ARL5C: variants seen among roughly 807,000 people sequenced by gnomAD.
ARL5C encodes putative ADP-ribosylation factor-like protein 5C.
ARL5C carries 21 observed loss-of-function variants against 20.8 expected under a neutral mutation model. The observed-to-expected ratio is 1.01, with a 90% CI of 0.72 to 1.46. ARL5C has a LOEUF of 1.46. Ranked by LOEUF, ARL5C falls within the 40% of genes most tolerant of loss-of-function variation. The probability of loss-of-function intolerance (pLI) is 0.00; values close to 1 mark genes in which losing one functional copy is unlikely to be tolerated. For missense variants in ARL5C, 199 were observed against 225.1 expected (o/e 0.88, Z 0.74); for synonymous variants, 71 against 81.6 (o/e 0.87, Z 0.70).
chr17:39,163,503 C>T (rs1255899245), intron 2 of ARL5C, among the ~76,000 whole-genome samples: 1 of 151,766 alleles, frequency 6.6e-6, no homozygotes, highest in African/African-American at 2.4e-5. Flanking sequence ...AGCAATTCTC[C>T]CGCCTCGGCC....
intron 4 of ARL5C, 123 bp downstream of exon 4, chr17:39,161,145 G>A: frequency 1.1e-6 from 1 of 907,234 alleles, no homozygotes; most frequent in Non-Finnish European, 1.7e-6. Context: ...CCCTCCTCAT[G>A]CTGCTGGTAT....
downstream of ARL5C, chr17:39,156,848 G>T: frequency 6.5e-7 from 1 of 1,549,012 alleles, no homozygotes; most frequent in South Asian, 1.2e-5. Flanking sequence ...CACCCATGTT[G>T]ACCATGCAAA....
chr17:39,161,216 G>C (rs970640541), intron 4 of ARL5C, 52 bp downstream of exon 4: 31 of 1,497,116 alleles, frequency 2.1e-5, no homozygotes, highest in Non-Finnish European at 2.4e-5. Context: ...TGACCAGCCT[G>C]AGGGCACACA....
chr17:39,159,517 G>A (rs1483681362), intron 5 of ARL5C, among the ~76,000 whole-genome samples: 2 of 151,918 alleles, frequency 1.3e-5, no homozygotes, highest in Non-Finnish European at 2.9e-5. Context: ...GGCTGGTCTC[G>A]AACTCCCGAC....
Position 39,162,773 on chromosome 17 carries a change from A to G in ARL5C, c.193T>C (p.Trp65Arg). 2 of 1,551,714 alleles carry G rather than the reference A, an allele frequency of 1.3e-6. No individual in the cohort carries two copies. Among genetic ancestry groups the G allele is most frequent in the Non-Finnish European group, 1.7e-6 (2 of 1,146,992 alleles). The change falls in exon 3 of 6, where the codon TGG (tryptophan) becomes CGG (arginine). Residue 65 changes from tryptophan (W) to arginine (R), a missense_variant. By Grantham distance (101) the Trp-to-Arg change is moderately radical. Transcript: ENST00000269586. The part of the protein sequence containing the change: ...IILPKTHFFM[W>R]DIVRPEALSF... Reference sequence around the variant, plus strand: ...AGAGCCTCAGGTCTCACTATGTCCCACATGAAGAAGTGGGTCTTCGGCAGA... The same window carrying G: ...AGAGCCTCAGGTCTCACTATGTCCCGCATGAAGAAGTGGGTCTTCGGCAGA...
At chr17:39,165,389 T>C in intron 1 of ARL5C, 1 of 590,484 alleles carries the variant, frequency 1.7e-6, no homozygotes, top group Non-Finnish European at 3.0e-6. Flanking sequence ...GCTTCGGGGC[T>C]TGCCAAGAGA....
chr17:39,160,538 G>A, intron 5 of ARL5C, 53 bp downstream of exon 5: 2 of 1,539,166 alleles, frequency 1.3e-6, no homozygotes, highest in South Asian at 1.2e-5. Context: ...CTGATGGTCA[G>A]TCATCCATTG....
rs1350091365 is a variant in ARL5C, at chr17:39,165,140, C to T, written c.47-1G>A. ...AGTCCCACGATGATGACCGTGTGCT[C>T]TGGAAGCGTCGGAGGAAGGGCAGCG... On this transcript the variant is annotated splice_acceptor_variant, in intron 1 of 5. Coordinates refer to ENST00000269586, the MANE Select transcript of ARL5C (RefSeq NM_001143968.1). LOFTEE classifies it high-confidence loss of function. 1 of 1,551,640 alleles carries T rather than the reference C, an allele frequency of 6.4e-7. No individual in the cohort carries two copies. The highest frequency in any genetic ancestry group is 8.7e-7 in the Non-Finnish European group (1 of 1,146,986).
chr17:39,156,852 A>T (rs757085679), downstream of ARL5C: 2 of 1,550,906 alleles, frequency 1.3e-6, no homozygotes, highest in African/African-American at 2.7e-5. Context: ...CATGTTGACC[A>T]TGCAAAACCC....
chr17:39,163,641 C>T (rs140822767), intron 2 of ARL5C, among the ~76,000 whole-genome samples: 3,041 of 151,400 alleles, frequency 0.02, 52 homozygotes, highest in Non-Finnish European at 0.034. Context: ...ATCCATCCAC[C>T]TTGGACTCCC....
rs2045457652 is a variant in ARL5C at position 39,165,354 on chromosome 17, G to A, written c.47-215C>T. ...AGCCCCCACCTCCCTTCACATTCCAGAAAAGTGTCTGAAAGGCCCGGGGCG... is the reference window on the plus strand; with the variant it reads ...AGCCCCCACCTCCCTTCACATTCCAAAAAAGTGTCTGAAAGGCCCGGGGCG... On this transcript the variant is annotated intron_variant, in intron 1 of 5. Transcript: ENST00000269586. The A allele has an allele frequency of 6.6e-6, 4 of 602,374 alleles. No homozygotes were observed. The East Asian group carries it at 1.1e-4, about 17-fold the overall frequency. 37.3% of individuals were successfully genotyped at this position (602,374 alleles called of 1,614,324 possible).
intron 4 of ARL5C, 115 bp downstream of exon 4, chr17:39,161,153 T>C: frequency 1.0e-6 from 1 of 979,274 alleles, no homozygotes; most frequent in Non-Finnish European, 1.6e-6. Flanking sequence ...ATGCTGCTGG[T>C]ATAGAGGCTC....
intron 3 of ARL5C, 76 bp downstream of exon 3, chr17:39,162,635 G>A: frequency 1.4e-6 from 2 of 1,479,400 alleles, no homozygotes; most frequent in Non-Finnish European, 1.8e-6. Context: ...GGGGAACCAA[G>A]GCTCAGAAAG....
chr17:39,158,724 C>T (rs1003666755), intron 5 of ARL5C, among the ~76,000 whole-genome samples: 1 of 152,060 alleles, frequency 6.6e-6, no homozygotes, highest in Non-Finnish European at 1.5e-5. Flanking sequence ...TCTACGTGGC[C>T]CAGCTCCTTA....
At chr17:39,158,168 G>A in intron 5 of ARL5C, among the ~76,000 whole-genome samples, 1 of 149,936 alleles carries the variant, frequency 6.7e-6, no homozygotes. Flanking sequence ...AGGAAGTGAG[G>A]GAGGGAGGGA....
At chr17:39,165,312 G>A in intron 1 of ARL5C, 173 bp from the exon 2 acceptor site, 2 of 646,200 alleles carry the variant, frequency 3.1e-6, no homozygotes, top group South Asian at 1.9e-5. Flanking sequence ...ACTCCGGGAC[G>A]GTGGAAAAGA....
At chr17:39,159,499 G>A (rs541913278) in intron 5 of ARL5C, among the ~76,000 whole-genome samples, 442 of 152,048 alleles carry the variant, frequency 2.9e-3, no homozygotes, top group African/African-American at 0.01. Flanking sequence ...GTTCCTCCAT[G>A]TTGGTCAGGC....
intron 4 of ARL5C, among the ~76,000 whole-genome samples, 178 bp from the exon 5 acceptor site, chr17:39,160,920 C>T (rs891225683): frequency 2.6e-5 from 4 of 152,226 alleles, no homozygotes; most frequent in African/African-American, 9.6e-5. Flanking sequence ...ATAACATCAG[C>T]AGCTCAAGGA....
intron 3 of ARL5C, among the ~76,000 whole-genome samples, chr17:39,162,114 C>T (rs1209301704): frequency 1.3e-5 from 2 of 151,984 alleles, no homozygotes; most frequent in South Asian, 2.1e-4. Flanking sequence ...AAAGTAAGGC[C>T]CCTAGAGAGA....
Sources: allele counts gnomAD v4.1 joint callset (sites outside exome capture counted in the v4.1 genomes callset), GRCh38; gene constraint gnomAD v4.1.1; transcripts MANE v1.5; gene names NCBI Gene and HGNC (gene_info 2026-07-23, HGNC 2026-07-21).